PPP2R2D: variants seen among roughly 807,000 people sequenced by gnomAD.
The protein encoded by PPP2R2D is serine/threonine-protein phosphatase 2A 55 kDa regulatory subunit B delta isoform.
In PPP2R2D, 9 loss-of-function variants were observed where a neutral mutation model predicts 31.1. The ratio of observed to expected loss-of-function variants is 0.29; its 90% CI spans 0.17 to 0.51. The LOEUF (loss-of-function observed/expected upper bound fraction) is 0.51. PPP2R2D is among the 20% of genes least tolerant of loss of function. PPP2R2D has a pLI of 0.98. For missense variants in PPP2R2D, 391 were observed against 465.6 expected, an observed-to-expected ratio of 0.84 and a Z score of 1.48; for synonymous variants, 179 against 172.6, an observed-to-expected ratio of 1.04 and a Z score of -0.29.
intron 2 of PPP2R2D, among the ~76,000 whole-genome samples, chr10:131,926,761 T>C (rs1356036850): frequency 6.6e-6 from 1 of 152,196 alleles, no homozygotes; most frequent in African/African-American, 2.4e-5. Context: ...ATCGTTTGAG[T>C]CCCTGCAGTA....
chr10:131,919,208 G>A (rs1369517069), intron 2 of PPP2R2D, among the ~76,000 whole-genome samples: 1 of 129,680 alleles, frequency 7.7e-6, no homozygotes, highest in South Asian at 2.7e-4. Context: ...CAGGCGGGCG[G>A]AATGACACAG....
Position 131,940,162 on chromosome 10 carries a change from A to G in PPP2R2D, c.330A>G (p.Gln110=), listed in dbSNP as rs2119842334. The change falls in exon 4 of 9, where the codon CAA becomes CAG. Residue 110 remains glutamine (Q), a synonymous_variant. Coordinates refer to ENST00000455566, the MANE Select transcript of PPP2R2D (RefSeq NM_018461.5). The part of the protein sequence containing the change: ...EKINKIRWLP[Q]QNAAHFLLST... ...TTAATAAAATTAGGTGGTTACCACA[A>G]CAGAATGCTGCTCATTTTCTACTGT... 1 of 768,420 alleles carries G rather than the reference A, an allele frequency of 1.3e-6. No homozygotes were observed. The highest frequency in any genetic ancestry group is 1.8e-5 in the Admixed American group (1 of 55,594). The allele number at this position is 768,420 out of a possible 1,614,324, so 47.6% of individuals were successfully genotyped here.
At chr10:131,908,802 A>G (rs1174429913) in intron 2 of PPP2R2D, among the ~76,000 whole-genome samples, 2 of 152,234 alleles carry the variant, frequency 1.3e-5, no homozygotes, top group African/African-American at 4.8e-5. Context: ...TTGCATAGGA[A>G]AATAGCTGAC....
chr10:131,920,374 A>T (rs375531257), intron 2 of PPP2R2D, among the ~76,000 whole-genome samples: 1 of 132,730 alleles, frequency 7.5e-6, no homozygotes, highest in African/African-American at 2.9e-5. Context: ...GACACAGTGT[A>T]GGGACCTCAC....
Position 131,947,365 on chromosome 10 carries a change from A to C in PPP2R2D, c.821-165A>C, listed in dbSNP as rs370696917. 7.2e-5 allele frequency among the ~76,000 whole-genome samples: 11 copies of C among 152,178 alleles called. No individual in the cohort carries two copies. Among genetic ancestry groups the C allele is most frequent in the African/African-American group, 2.4e-4 (10 of 41,442 alleles). The stretch of plus-strand genomic sequence containing the variant: ...TCCGAAGCTCTTGCCCACGGAAGTC[A>C]CAGAAGATCAGAAAACCTAGAGAAT... On this transcript the variant is annotated intron_variant, in intron 7 of 8. Coordinates refer to ENST00000455566, the MANE Select transcript of PPP2R2D (RefSeq NM_018461.5). The surrounding 1 kb of genome is among the most constrained non-coding windows in gnomAD (Gnocchi z 4.3).
At chr10:131,953,717 ACTGTCTTAGTGACTTGCTGGTGTGCG>A in intron 8 of PPP2R2D, among the ~76,000 whole-genome samples, 1 of 42,338 alleles carries the variant, frequency 2.4e-5, no homozygotes, top group Non-Finnish European at 3.9e-5. Context: ...TGGGGGGGTC[ACTGTCTTAGTGACTTGCTGGTGTGCG>A]GGGGTTCACT....
the PPP2R2D span, chr10:131,967,975 C>G: frequency 1.3e-5 from 2 of 152,602 alleles, no homozygotes; most frequent in Non-Finnish European, 2.9e-5. Flanking sequence ...GTAGCTCTAT[C>G]TTGGTTTCTG....
At chr10:131,901,630 G>A (rs2035498695) in intron 2 of PPP2R2D, among the ~76,000 whole-genome samples, 1 of 152,144 alleles carries the variant, frequency 6.6e-6, no homozygotes, top group South Asian at 2.1e-4. Flanking sequence ...CCTGCCCGGG[G>A]CGGAACCGAA....
intron 2 of PPP2R2D, among the ~76,000 whole-genome samples, chr10:131,932,646 CAAAA>C (rs368610703): frequency 4.0e-4 from 23 of 57,862 alleles, no homozygotes; most frequent in African/African-American, 1.0e-3. Context: ...CAGCCTGTCT[CAAAA>C]AAAAAAAAAA....
chr10:131,932,684 T>C (rs1320457157), intron 2 of PPP2R2D, among the ~76,000 whole-genome samples: 1 of 106,736 alleles, frequency 9.4e-6, no homozygotes, highest in Non-Finnish European at 2.1e-5. Context: ...AAAAAAAACC[T>C]AACTTGGTGC....
At position 131,956,318 on chromosome 10, in the gene PPP2R2D, T is replaced by G; in HGVS notation, c.*355T>G. ...AAAAGTTATTGTCAGATACCGCTCTTTCTCCAACTTTCCCTCTTTCTCTGC... is the reference window on the plus strand; with the variant it reads ...AAAAGTTATTGTCAGATACCGCTCTGTCTCCAACTTTCCCTCTTTCTCTGC... On this transcript the variant is annotated 3_prime_UTR_variant, in exon 9 of 9. Transcript: ENST00000455566. 1.0e-6 allele frequency: 1 copy of G among 997,922 alleles called. No homozygotes were observed. Among genetic ancestry groups the G allele is most frequent in the Non-Finnish European group, 1.2e-6 (1 of 838,510 alleles). The allele number at this position is 997,922 out of a possible 1,614,324, so 61.8% of individuals were successfully genotyped here.
chr10:131,936,580 AGGTT>A (rs2036345434), intron 3 of PPP2R2D, among the ~76,000 whole-genome samples: 2 of 152,246 alleles, frequency 1.3e-5, no homozygotes, highest in Non-Finnish European at 2.9e-5. Flanking sequence ...AACAGATTTT[AGGTT>A]AGAAAATGGA....
the PPP2R2D span, among the ~76,000 whole-genome samples, chr10:131,965,125 T>C: frequency 6.6e-6 from 1 of 152,218 alleles, no homozygotes. Flanking sequence ...AGTTCATCTG[T>C]GCTCCAGACT....
downstream of PPP2R2D, among the ~76,000 whole-genome samples, chr10:131,962,538 T>C (rs1174462456): frequency 6.6e-6 from 1 of 152,244 alleles, no homozygotes; most frequent in African/African-American, 2.4e-5. Context: ...GCTCTCCATT[T>C]TCTTCTTATC....
chr10:131,970,506 G>C, the PPP2R2D span: 1 of 1,290,914 alleles, frequency 7.7e-7, no homozygotes, highest in African/African-American at 1.5e-5. This position sits in a 1 kb window ranked among gnomAD's most constrained non-coding sequence, Gnocchi z 4.1. Flanking sequence ...GTGACTACGT[G>C]GGTGTTTGTG....
intron 3 of PPP2R2D, among the ~76,000 whole-genome samples, chr10:131,939,518 G>A (rs1554896876): frequency 1.6e-5 from 2 of 121,516 alleles, no homozygotes; most frequent in East Asian, 2.3e-4. Context: ...CAGAAAACAC[G>A]GCAGGCTGCA....
intron 2 of PPP2R2D, among the ~76,000 whole-genome samples, chr10:131,903,641 C>T (rs1192696460): frequency 2.0e-5 from 3 of 152,112 alleles, no homozygotes; most frequent in Non-Finnish European, 4.4e-5. Flanking sequence ...TGGTAATTAT[C>T]TGCATGTGTT....
At chr10:131,916,452 G>C (rs1307115001) in intron 2 of PPP2R2D, among the ~76,000 whole-genome samples, 1 of 151,916 alleles carries the variant, frequency 6.6e-6, no homozygotes, top group Non-Finnish European at 1.5e-5. Flanking sequence ...TGCACTTACA[G>C]TGTTGTGTAG....
At chr10:131,948,010 C>T (rs1465971833) in intron 8 of PPP2R2D, among the ~76,000 whole-genome samples, 4 of 152,194 alleles carry the variant, frequency 2.6e-5, no homozygotes, top group Non-Finnish European at 5.9e-5. Context: ...TATATTTAGA[C>T]AAGAAGTATA....
Sources: gnomAD v4.1 joint callset for allele counts (sites outside exome capture counted in the v4.1 genomes callset) on GRCh38, gnomAD v4.1.1 for gene constraint, Gnocchi (gnomAD v3.1) non-coding constraint, MANE v1.5 for transcripts, NCBI Gene and HGNC (gene_info 2026-07-23, HGNC 2026-07-21) for gene names.